The following CSMD1 variants were observed in gnomAD, a reference collection of about 807,000 sequenced individuals.
The protein encoded by CSMD1 is CUB and Sushi multiple domains 1, also known as CUB and sushi domain-containing protein 1.
In CSMD1, 213 loss-of-function variants were observed where a neutral mutation model predicts 417.5. The observed-to-expected ratio is 0.51, with a 90% CI of 0.46 to 0.57. The LOEUF (loss-of-function observed/expected upper bound fraction) is 0.57. Among genes scored for constraint, CSMD1 ranks in the 20% least tolerant of loss-of-function variants. The probability of loss-of-function intolerance (pLI) is 0.00; values close to 1 mark genes in which losing one functional copy is unlikely to be tolerated. For synonymous variants in CSMD1, 2,862 were observed against 1,736.8 expected, an observed-to-expected ratio of 1.65 and a Z score of -16.11; for missense variants, 6,923 against 4,529.7, an observed-to-expected ratio of 1.53 and a Z score of -15.17.
chr8:3,658,508 C>G (rs1798243287), intron 7 of CSMD1, among the ~76,000 whole-genome samples: 1 of 147,946 alleles, frequency 6.8e-6, no homozygotes, highest in Admixed American at 6.8e-5. Context: ...CTTGGTCGGG[C>G]TTGGTGTCTC....
intron 1 of CSMD1, among the ~76,000 whole-genome samples, chr8:4,942,451 G>A (rs560077982): frequency 9.2e-5 from 14 of 152,178 alleles, no homozygotes; most frequent in Non-Finnish European, 1.6e-4. Context: ...CAACCATCAT[G>A]ACAAAGACAG....
chr8:4,255,935 C>T (rs1034839044), intron 3 of CSMD1, among the ~76,000 whole-genome samples: 2 of 152,168 alleles, frequency 1.3e-5, no homozygotes, highest in South Asian at 2.1e-4. Context: ...TTGACTTTCT[C>T]CCCACAGCCT....
chr8:4,122,990 C>G (rs527770588), intron 3 of CSMD1, among the ~76,000 whole-genome samples: 1 of 152,302 alleles, frequency 6.6e-6, no homozygotes, highest in Admixed American at 6.5e-5. Context: ...TTGGCAAAGA[C>G]GTGCCACTGA....
At chr8:4,391,922 G>T (rs1803874184) in intron 3 of CSMD1, among the ~76,000 whole-genome samples, 1 of 152,098 alleles carries the variant, frequency 6.6e-6, no homozygotes, top group African/African-American at 2.4e-5. Context: ...GAACCCTGAG[G>T]CTCCCATGAA....
At chr8:3,983,783 C>A (rs1006555336) in intron 5 of CSMD1, among the ~76,000 whole-genome samples, 3 of 152,128 alleles carry the variant, frequency 2.0e-5, no homozygotes, top group African/African-American at 7.2e-5. Context: ...CTCTAGAGCA[C>A]GTCGCAGTTC....
chr8:4,905,392 C>A (rs956109983), intron 1 of CSMD1, among the ~76,000 whole-genome samples: 3 of 152,048 alleles, frequency 2.0e-5, no homozygotes, highest in Non-Finnish European at 4.4e-5. Flanking sequence ...TATATTTACA[C>A]AGTGTATATT....
chr8:3,282,937 C>T (rs531880391), intron 26 of CSMD1, among the ~76,000 whole-genome samples: 1 of 152,182 alleles, frequency 6.6e-6, no homozygotes, highest in African/African-American at 2.4e-5. Flanking sequence ...GATGGCTGAC[C>T]TTGTGTGCTG....
chr8:4,896,860 C>A (rs1042152416), intron 1 of CSMD1, among the ~76,000 whole-genome samples: 1 of 151,970 alleles, frequency 6.6e-6, no homozygotes, highest in Non-Finnish European at 1.5e-5. Context: ...GCAGCAGCTG[C>A]CGGGAACACT....
chr8:3,244,402 C>G (rs954332691), intron 26 of CSMD1, among the ~76,000 whole-genome samples: 1 of 152,128 alleles, frequency 6.6e-6, no homozygotes, highest in Non-Finnish European at 1.5e-5. Flanking sequence ...GGAGAGCAAT[C>G]TGCTTTTGTT....
chr8:4,983,811 G>T (rs562293961), intron 1 of CSMD1, among the ~76,000 whole-genome samples: 1 of 143,504 alleles, frequency 7.0e-6, no homozygotes, highest in African/African-American at 2.7e-5. Flanking sequence ...AAAAAAATTA[G>T]ATCAAGGAGA....
chr8:4,518,056 G>A (rs1386196388), intron 2 of CSMD1, among the ~76,000 whole-genome samples: 1 of 152,188 alleles, frequency 6.6e-6, no homozygotes, highest in South Asian at 2.1e-4. Flanking sequence ...TCACGGAAAG[G>A]TTTATTAAGA....
chr8:4,596,088 C>T (rs1800260236), intron 2 of CSMD1, among the ~76,000 whole-genome samples: 1 of 152,102 alleles, frequency 6.6e-6, no homozygotes, highest in African/African-American at 2.4e-5. Flanking sequence ...GGCCAACTTC[C>T]CTGTGTGTTA....
At chr8:4,130,642 T>G (rs1263880255) in intron 3 of CSMD1, among the ~76,000 whole-genome samples, 1 of 152,166 alleles carries the variant, frequency 6.6e-6, no homozygotes, top group East Asian at 1.9e-4. Flanking sequence ...CTTGTGAACT[T>G]GTGACTTTGA....
intron 1 of CSMD1, among the ~76,000 whole-genome samples, chr8:4,855,727 A>G (rs1392253622): frequency 6.6e-6 from 1 of 152,060 alleles, no homozygotes; most frequent in Non-Finnish European, 1.5e-5. Context: ...AAGAATAAAA[A>G]GAAATGAGCA....
At chr8:3,261,728 T>G (rs1801071903) in intron 26 of CSMD1, among the ~76,000 whole-genome samples, 2 of 152,046 alleles carry the variant, frequency 1.3e-5, no homozygotes, top group South Asian at 4.2e-4. Context: ...AGAAAGGTAC[T>G]GAATGAAGAG....
chr8:4,159,217 G>T (rs541075191), intron 3 of CSMD1, among the ~76,000 whole-genome samples: 1 of 152,164 alleles, frequency 6.6e-6, no homozygotes, highest in African/African-American at 2.4e-5. Flanking sequence ...TGCCCAGCCC[G>T]TAATTCTTTA....
chr8:4,712,296 G>A (rs1425759946), intron 1 of CSMD1, among the ~76,000 whole-genome samples: 1 of 152,176 alleles, frequency 6.6e-6, no homozygotes. Context: ...TTCAGTGTGG[G>A]AGATGTAATT....
At chr8:3,880,321 A>G (rs1286193625) in intron 5 of CSMD1, among the ~76,000 whole-genome samples, 5 of 152,304 alleles carry the variant, frequency 3.3e-5, no homozygotes, top group African/African-American at 1.2e-4. Flanking sequence ...AAACTATCCC[A>G]TTATTACTGC....
chr8:3,485,116 T>G lies in CSMD1; in HGVS notation c.1448+8507A>C, dbSNP rs564468640. ...TTACATAACAACCTATACACAAATGTCATAGTAGCTTTCTTCATAATAGTC... is the reference window on the plus strand; with the variant it reads ...TTACATAACAACCTATACACAAATGGCATAGTAGCTTTCTTCATAATAGTC... On this transcript the variant is annotated intron_variant, in intron 11 of 69. Transcript: ENST00000635120. Among the ~76,000 whole-genome samples the G allele has an allele frequency of 1.6e-4, 25 of 152,290 alleles. No individual in the cohort carries two copies. The South Asian group carries it at 5.0e-3, about 30-fold the overall frequency.
Sources: gnomAD v4.1 joint callset for allele counts (sites outside exome capture counted in the v4.1 genomes callset) on GRCh38, gnomAD v4.1.1 for gene constraint, MANE v1.5 for transcripts, NCBI Gene and HGNC (gene_info 2026-07-23, HGNC 2026-07-21) for gene names.